The following TTLL2 variants were observed in gnomAD, a reference collection of about 807,000 sequenced individuals.
TTLL2 encodes the protein tubulin tyrosine ligase like 2.
In TTLL2, 10 loss-of-function variants were observed where a neutral mutation model predicts 7.5. That is an observed-to-expected ratio of 1.33 (90% confidence interval 0.82 to 2.25). TTLL2 has a LOEUF of 2.25. TTLL2 is among the 30% of genes most tolerant of loss of function. The probability of loss-of-function intolerance (pLI) is 0.00; values close to 1 mark genes in which losing one functional copy is unlikely to be tolerated. For missense variants in TTLL2, 733 were observed against 735.7 expected (o/e 1.00, Z 0.04); for synonymous variants, 284 against 280.3 (o/e 1.01, Z -0.13).
intron 1 of TTLL2, among the ~76,000 whole-genome samples, chr6:167,329,034 C>T (rs1341375181): frequency 6.6e-6 from 1 of 152,112 alleles, no homozygotes; most frequent in East Asian, 1.9e-4. Context: ...GTCAGGGACT[C>T]TTTATATACC....
At position 167,338,783 on chromosome 6, in the gene TTLL2, A is replaced by G. The variant is rs1779027068; in HGVS notation, c.184A>G (p.Thr62Ala). 1 of 1,611,830 alleles carries G rather than the reference A, an allele frequency of 6.2e-7. No individual in the cohort carries two copies. Among genetic ancestry groups the G allele is most frequent in the Non-Finnish European group, 8.5e-7 (1 of 1,178,600 alleles). ...VSIPPRRGRP[T>A]PTLEKKKKPH... ...CATCCCTCCCAGGCGAGGCCGCCCA[A>G]CACCAACACTGGAGAAGAAGGTGGG... Residue 62 changes from threonine to alanine, a missense_variant, in exon 2 of 3, where the codon ACA becomes GCA. By Grantham distance (58) the Thr-to-Ala change is moderately conservative (BLOSUM62 0). Coordinates refer to ENST00000239587, the MANE Select transcript of TTLL2 (RefSeq NM_031949.5).
chr6:167,341,276 C>T lies in TTLL2; in HGVS notation c.1376C>T (p.Ser459Leu), dbSNP rs753565384. 64 of 1,613,396 alleles carry T rather than the reference C, an allele frequency of 4.0e-5. No homozygotes were observed. The highest frequency in any genetic ancestry group is 6.7e-5 in the Admixed American group (4 of 59,920). ...GACTGTCTTCCTTATGATTCTCTTT[C>T]GTTCACAAGCAGAATGTACAACGAG... ...APDCLPYDSLSFTSRMYNEDD... is the reference protein window; with the variant it reads ...APDCLPYDSLLFTSRMYNEDD... The change falls in exon 3 of 3, where the codon TCG becomes TTG. Residue 459 changes from serine (S) to leucine (L), a missense_variant. Coordinates refer to ENST00000239587, the MANE Select transcript of TTLL2 (RefSeq NM_031949.5).
chr6:167,340,900 T>C lies in TTLL2; in HGVS notation c.1000T>C (p.Trp334Arg). The C allele has an allele frequency of 6.2e-7, 1 of 1,614,176 alleles. No individual in the cohort carries two copies. Among genetic ancestry groups the C allele is most frequent in the Non-Finnish European group, 8.5e-7 (1 of 1,180,034 alleles). ...LSRFFSYLRS[W>R]DVDDLLLWKK... ...CAGATTTTTTTCCTACCTTCGTAGC[T>C]GGGATGTGGACGATCTGCTTTTGTG... The change falls in exon 3 of 3, where the codon TGG (tryptophan) becomes CGG (arginine). Residue 334 changes from tryptophan to arginine, a missense_variant. Transcript: ENST00000239587.
At chr6:167,337,959 A>G (rs184829869) in intron 1 of TTLL2, among the ~76,000 whole-genome samples, 1 of 152,036 alleles carries the variant, frequency 6.6e-6, no homozygotes, top group Non-Finnish European at 1.5e-5. Flanking sequence ...CAACACACAT[A>G]CATACCACGT....
chr6:167,338,561 A>T, intron 1 of TTLL2, 86 bp from the exon 2 acceptor site: 1 of 1,455,078 alleles, frequency 6.9e-7, no homozygotes. Context: ...ACCATGATGG[A>T]TTGATCAATT....
rs1778887342 is a variant in TTLL2, at chr6:167,329,164, G to A, written c.47+3944G>A. On this transcript the variant is annotated intron_variant, in intron 1 of 2. Coordinates refer to ENST00000239587, the MANE Select transcript of TTLL2 (RefSeq NM_031949.5). Reference sequence around the variant, plus strand: ...AGAACCCCTCCCACGGGCCGCACCTGAAACACAGGCTCCCACCTCAGGAAG... The same window carrying A: ...AGAACCCCTCCCACGGGCCGCACCTAAAACACAGGCTCCCACCTCAGGAAG... Among the ~76,000 whole-genome samples, 3 of 152,120 alleles carry A rather than the reference G, an allele frequency of 2.0e-5. No individual in the cohort carries two copies. In the East Asian group the frequency reaches 5.8e-4, roughly 29 times the overall value.
Position 167,340,343 on chromosome 6 carries a change from C to T in TTLL2, c.443C>T (p.Pro148Leu). ...VKPWQQLNHH[P>L]GTTKLTRKDC... ...CCGTGGCAGCAGCTAAACCACCACC[C>T]TGGAACCACCAAGCTTACCAGGAAA... is the stretch of plus-strand genomic sequence containing the variant. Residue 148 changes from proline to leucine, a missense_variant, in exon 3 of 3, where the codon CCT becomes CTT. Coordinates refer to ENST00000239587, the MANE Select transcript of TTLL2 (RefSeq NM_031949.5). The T allele has an allele frequency of 6.2e-7, 1 of 1,614,158 alleles. No individual in the cohort carries two copies. The highest frequency in any genetic ancestry group is 1.1e-5 in the South Asian group (1 of 91,080).
At chr6:167,333,755 G>T (rs1244259158) in intron 1 of TTLL2, among the ~76,000 whole-genome samples, 1 of 83,946 alleles carries the variant, frequency 1.2e-5, no homozygotes, top group African/African-American at 5.2e-5. Flanking sequence ...ATTCTCTGAT[G>T]GTAGTTTGTA....
At chr6:167,338,618 G>A (rs1779024143) in intron 1 of TTLL2, 29 bp from the exon 2 acceptor site, 2 of 1,598,242 alleles carry the variant, frequency 1.3e-6, no homozygotes, top group South Asian at 1.1e-5. Context: ...GATGCTGTGT[G>A]TTCATTGTTG....
At chr6:167,331,194 C>T (rs1483384968) in intron 1 of TTLL2, among the ~76,000 whole-genome samples, 1 of 152,060 alleles carries the variant, frequency 6.6e-6, no homozygotes, top group East Asian at 1.9e-4. Context: ...TAATGTATAA[C>T]GATCTGATCA....
At chr6:167,332,100 G>A (rs1026163217) in intron 1 of TTLL2, among the ~76,000 whole-genome samples, 19 of 152,200 alleles carry the variant, frequency 1.2e-4, no homozygotes, top group Admixed American at 1.1e-3. Context: ...AACTCTTCAC[G>A]AATTTGGCAG....
At chr6:167,337,144 C>G (rs1778995459) in intron 1 of TTLL2, among the ~76,000 whole-genome samples, 1 of 152,254 alleles carries the variant, frequency 6.6e-6, no homozygotes, top group Non-Finnish European at 1.5e-5. Context: ...TCAGCATCTT[C>G]AAGTCTGAGA....
At chr6:167,327,336 A>G (rs1302479784) in intron 1 of TTLL2, among the ~76,000 whole-genome samples, 2 of 152,202 alleles carry the variant, frequency 1.3e-5, no homozygotes, top group Admixed American at 6.5e-5. Context: ...GAAATTCAGC[A>G]GAACTGTTCT....
intron 1 of TTLL2, among the ~76,000 whole-genome samples, chr6:167,338,412 G>GAA (rs773058156): frequency 1.6e-4 from 23 of 145,404 alleles, no homozygotes; most frequent in Non-Finnish European, 3.2e-4. Context: ...AACATGCACA[G>GAA]ACAACACAGA....
chr6:167,340,907 T>C lies in TTLL2; in HGVS notation c.1007T>C (p.Val336Ala). 1 of 1,614,192 alleles carries C rather than the reference T, an allele frequency of 6.2e-7. No homozygotes were observed. Among genetic ancestry groups the C allele is most frequent in the Non-Finnish European group, 8.5e-7 (1 of 1,180,034 alleles). The change falls in exon 3 of 3, where the codon GTG becomes GCG. Residue 336 changes from valine (V) to alanine (A), a missense_variant. Transcript: ENST00000239587. Reference protein sequence around the residue: ...RFFSYLRSWDVDDLLLWKKIH... With the variant: ...RFFSYLRSWDADDLLLWKKIH... ...TTTTCCTACCTTCGTAGCTGGGATG[T>C]GGACGATCTGCTTTTGTGGAAGAAA...
In TTLL2 at chr6:167,342,465, T is replaced by C. The variant is rs1032783786; in HGVS notation, c.*786T>C. Among the ~76,000 whole-genome samples the C allele has an allele frequency of 6.6e-6, 1 of 152,210 alleles. No individual in the cohort carries two copies. Among genetic ancestry groups the C allele is most frequent in the East Asian group, 1.9e-4 (1 of 5,204 alleles). Reference sequence around the variant, plus strand: ...CACATGTTGTATGACTCCGTTGATATGGAATGTCAGAATTGGCAAATCCAT... The same window carrying C: ...CACATGTTGTATGACTCCGTTGATACGGAATGTCAGAATTGGCAAATCCAT... On this transcript the variant is annotated 3_prime_UTR_variant, in exon 3 of 3. Coordinates refer to ENST00000239587, the MANE Select transcript of TTLL2 (RefSeq NM_031949.5).
At chr6:167,329,220 G>A (rs78332756) in intron 1 of TTLL2, among the ~76,000 whole-genome samples, 4 of 150,624 alleles carry the variant, frequency 2.7e-5, no homozygotes, top group Non-Finnish European at 5.9e-5. Flanking sequence ...AGATCATGAC[G>A]TTGCTGATAT....
chr6:167,335,231 C>G (rs956401489), intron 1 of TTLL2, among the ~76,000 whole-genome samples: 7 of 146,496 alleles, frequency 4.8e-5, no homozygotes, highest in Admixed American at 2.7e-4. Flanking sequence ...TGCTCATCAT[C>G]ACTGGCCATC....
At chr6:167,328,149 G>A in intron 1 of TTLL2, 1 of 456,120 alleles carries the variant, frequency 2.2e-6, no homozygotes, top group South Asian at 1.5e-5. Flanking sequence ...AAGACTCTTA[G>A]TTATTTTTGC....
Sources: gnomAD v4.1 joint callset for allele counts (sites outside exome capture counted in the v4.1 genomes callset) on GRCh38, gnomAD v4.1.1 for gene constraint, MANE v1.5 for transcripts, NCBI Gene and HGNC (gene_info 2026-07-23, HGNC 2026-07-21) for gene names.